Variants in LAS1L observed in about 807,000 individuals in gnomAD.
LAS1L encodes ribosomal biogenesis protein LAS1L.
LAS1L carries 5 observed loss-of-function variants against 57.3 expected under a neutral mutation model. The ratio of observed to expected loss-of-function variants is 0.09; its 90% CI spans 0.05 to 0.18. The LOEUF (loss-of-function observed/expected upper bound fraction) is 0.18, where lower values mean the gene tolerates loss of function less well. LAS1L is among the 10% of genes least tolerant of loss of function. LAS1L has a pLI of 1.00. For synonymous variants in LAS1L, 245 were observed against 231.7 expected, an observed-to-expected ratio of 1.06 and a Z score of -0.52; for missense variants, 360 against 568.3, an observed-to-expected ratio of 0.63 and a Z score of 3.73.
chrX:65,523,157 G>A (rs754555792), intron 11 of LAS1L: 1 of 121,907 alleles, frequency 8.2e-6, no homozygotes, highest in East Asian at 2.4e-4. Flanking sequence ...AGGCAATAGG[G>A]AGCAACTGAA....
At chrX:65,521,074 T>C in intron 11 of LAS1L, 1 of 751,229 alleles carries the variant, frequency 1.3e-6, no homozygotes, top group African/African-American at 2.5e-5. Flanking sequence ...AATGTGGCTG[T>C]TCAGTTCCAA....
chrX:65,520,071 T>G (rs1209751465), intron 11 of LAS1L, among the ~76,000 whole-genome samples: 1 of 111,978 alleles, frequency 8.9e-6, no homozygotes, highest in Admixed American at 9.5e-5. Context: ...CAGCCCTGTT[T>G]ATGATTACCC....
At chrX:65,526,366 C>G (rs1406345661) in intron 7 of LAS1L, among the ~76,000 whole-genome samples, 1 of 112,013 alleles carries the variant, frequency 8.9e-6, no homozygotes, top group Admixed American at 9.5e-5. Context: ...ACTTAGATCC[C>G]TCTCTCCAGC....
chrX:65,532,880 T>A lies in LAS1L; in HGVS notation c.363-250A>T, dbSNP rs778115604. ...CTTGAACAGTTCGGTCTAGGATAAATAATAATGATACAATGTAACATATTA... is the reference window on the plus strand; with the variant it reads ...CTTGAACAGTTCGGTCTAGGATAAAAAATAATGATACAATGTAACATATTA... On this transcript the variant is annotated intron_variant, in intron 2 of 13. Transcript: ENST00000374811. Among the ~76,000 whole-genome samples, 17 of 111,561 alleles carry A rather than the reference T, an allele frequency of 1.5e-4. No homozygotes were observed. Among genetic ancestry groups the A allele is most frequent in the Non-Finnish European group, 3.0e-4 (16 of 53,192 alleles).
chrX:65,515,537 C>A (rs1418877170), intron 12 of LAS1L, among the ~76,000 whole-genome samples: 1 of 110,684 alleles, frequency 9.0e-6, no homozygotes. Context: ...ACACACACAC[C>A]CCCATGCCCA....
intron 12 of LAS1L, among the ~76,000 whole-genome samples, chrX:65,516,636 T>TACACACACACACACAC (rs57356313): frequency 5.6e-5 from 5 of 89,569 alleles, no homozygotes; most frequent in Non-Finnish European, 1.1e-4. Flanking sequence ...CTTTTTCCTA[T>TACACACACACACACAC]ACACACACAC....
intron 11 of LAS1L, 26 bp downstream of exon 11, chrX:65,523,534 T>C: frequency 8.7e-7 from 1 of 1,151,743 alleles, no homozygotes; most frequent in Non-Finnish European, 1.2e-6. Context: ...CTCACCCTCT[T>C]ACCGGATGGA....
intron 12 of LAS1L, 145 bp downstream of exon 12, chrX:65,517,842 C>G (rs1482582949): frequency 8.2e-5 from 84 of 1,020,921 alleles, no homozygotes; most frequent in Non-Finnish European, 1.0e-4. Flanking sequence ...GAGAAGCCAG[C>G]TGTCATCTAT....
intron 11 of LAS1L, chrX:65,522,492 G>A (rs924146075): frequency 9.0e-6 from 1 of 111,067 alleles, no homozygotes; most frequent in Non-Finnish European, 1.9e-5. Context: ...CAGCTACCCG[G>A]GCTGAGGAGC....
In LAS1L at chrX:65,534,774, G is replaced by C; in HGVS notation, c.-59C>G. ...CTCCGCACAGCCTTCAGCTCAGCGT[G>C]CTACCCTCACTCCGAACCGCCACCG... On this transcript the variant is annotated 5_prime_UTR_variant, in exon 1 of 14. Coordinates refer to ENST00000374811, the MANE Select transcript of LAS1L (RefSeq NM_031206.7). 1.0e-6 allele frequency: 1 copy of C among 973,481 alleles called. No individual in the cohort carries two copies. Among genetic ancestry groups the C allele is most frequent in the Non-Finnish European group, 1.4e-6 (1 of 707,172 alleles). 80.2% of individuals were successfully genotyped at this position (973,481 alleles called of 1,213,427 possible).
chrX:65,515,452 AC>A (rs2068596113), intron 12 of LAS1L, among the ~76,000 whole-genome samples: 1 of 109,996 alleles, frequency 9.1e-6, no homozygotes, highest in African/African-American at 3.3e-5. Context: ...TAGCTGAATG[AC>A]CTAGATTTCC....
chrX:65,520,683 T>A, intron 11 of LAS1L: 1 of 754,537 alleles, frequency 1.3e-6, no homozygotes, highest in Non-Finnish European at 1.6e-6. Context: ...AGGCAGGATC[T>A]GTGCACAAGA....
At chrX:65,526,271 C>T (rs751075137) in intron 7 of LAS1L, among the ~76,000 whole-genome samples, 406 of 111,394 alleles carry the variant, frequency 3.6e-3, no homozygotes, top group African/African-American at 0.013. Flanking sequence ...CAACACTAAA[C>T]AGATATAGAC....
Position 65,534,694 on chromosome X carries a change from C to T in LAS1L, c.22G>A (p.Gly8Arg), listed in dbSNP as rs949044338. 1.0e-5 allele frequency: 12 copies of T among 1,172,450 alleles called. No homozygotes were observed. The East Asian group carries it at 1.9e-4, about 19-fold the overall frequency. The change falls in exon 1 of 14, where the codon GGG (glycine) becomes AGG (arginine). Residue 8 changes from glycine (G) to arginine (R), a missense_variant. By Grantham distance (125) the Gly-to-Arg change is moderately radical (BLOSUM62 -2). This residue lies in a region of LAS1L where 36 missense variants were observed against 27.9 expected (regional missense o/e 1.29). Transcript: ENST00000374811. MSWESGA[G>R]PGLGSQGMDL... ...ATCCCCTGGGAACCTAGACCTGGCC[C>T]GGCCCCGGATTCCCACGACATACTG...
chrX:65,512,833 C>T lies in LAS1L; in HGVS notation c.2147G>A (p.Gly716Asp), dbSNP rs2068494927. Reference protein sequence around the residue: ...CSNSSSSNFEGLLWSQGQLHG... With the variant: ...CSNSSSSNFEDLLWSQGQLHG... ...CAGCTGCCCCTGGCTCCAGAGAAGG[C>T]CCTCGAAGTTGCTGCTGCTGCTGTT... is the stretch of plus-strand genomic sequence containing the variant. The change falls in exon 14 of 14, where the codon GGC becomes GAC. Residue 716 changes from glycine to aspartate, a missense_variant. Physicochemically the swap from Gly to Asp is moderately conservative, Grantham distance 94. Coordinates refer to ENST00000374811, the MANE Select transcript of LAS1L (RefSeq NM_031206.7). The T allele has an allele frequency of 8.6e-7, 1 of 1,166,313 alleles. No homozygotes were observed. Among genetic ancestry groups the T allele is most frequent in the Admixed American group, 2.6e-5 (1 of 38,549 alleles).
chrX:65,523,784 T>TC, intron 10 of LAS1L, 77 bp from the exon 11 acceptor site: 1 of 1,051,579 alleles, frequency 9.5e-7, no homozygotes, highest in East Asian at 3.3e-5. Context: ...AAAGTTTGGC[T>TC]CTGTCCCTCC....
chrX:65,513,631 G>C (rs2068523021), intron 13 of LAS1L, among the ~76,000 whole-genome samples: 1 of 112,386 alleles, frequency 8.9e-6, no homozygotes, highest in Non-Finnish European at 1.9e-5. Context: ...CTTTCCCAAG[G>C]CCACATAGCC....
intron 11 of LAS1L, chrX:65,520,635 C>T (rs1015790160): frequency 9.4e-5 from 71 of 752,663 alleles, no homozygotes; most frequent in Middle Eastern, 7.4e-4. Flanking sequence ...CTCTGTGTAA[C>T]GGGGTGATTA....
chrX:65,517,311 G>C (rs1408940285), intron 12 of LAS1L, among the ~76,000 whole-genome samples: 2 of 104,893 alleles, frequency 1.9e-5, no homozygotes, highest in Non-Finnish European at 3.9e-5. Flanking sequence ...GCAGTGGCGC[G>C]ATCTCGGCTC....
Sources: gnomAD v4.1 joint callset for allele counts (sites outside exome capture counted in the v4.1 genomes callset) on GRCh38, gnomAD v4.1.1 for gene constraint, gnomAD v4.1.1 regional missense constraint, MANE v1.5 for transcripts, NCBI Gene and HGNC (gene_info 2026-07-23, HGNC 2026-07-21) for gene names.